Variants in DYNC1H1 observed in about 807,000 individuals in gnomAD.
DYNC1H1 encodes dynein cytoplasmic 1 heavy chain 1, also known as cytoplasmic dynein 1 heavy chain 1.
A neutral mutation model predicts 527.1 loss-of-function variants in DYNC1H1; 51 were observed. The ratio of observed to expected loss-of-function variants is 0.10; its 90% CI spans 0.08 to 0.12. The LOEUF (loss-of-function observed/expected upper bound fraction) is 0.12. Among genes scored for constraint, DYNC1H1 ranks in the 10% least tolerant of loss-of-function variants. DYNC1H1 has a pLI of 1.00. For missense variants in DYNC1H1, 2,771 were observed against 5,971.8 expected (o/e 0.46, Z 17.66); for synonymous variants, 2,189 against 2,278.8 (o/e 0.96, Z 1.12).
chr14:102,008,348 T>C lies in DYNC1H1; in HGVS notation c.5977+11T>C. 6.2e-7 allele frequency: 1 copy of C among 1,613,982 alleles called. No homozygotes were observed. The highest frequency in any genetic ancestry group is 2.2e-5 in the East Asian group (1 of 44,886). On this transcript the variant is annotated intron_variant, in intron 29 of 77. Transcript: ENST00000360184. Reference sequence around the variant, plus strand: ...CCAACTACGACAAGAGTAAGACACCTCTTCTTCAAAAATTACTTAGAGAAT... The same window carrying C: ...CCAACTACGACAAGAGTAAGACACCCCTTCTTCAAAAATTACTTAGAGAAT...
intron 43 of DYNC1H1, among the ~76,000 whole-genome samples, chr14:102,023,988 G>A (rs2048419479): frequency 6.6e-6 from 1 of 152,156 alleles, no homozygotes; most frequent in South Asian, 2.1e-4. Flanking sequence ...ATGTGCTACG[G>A]GTTTGCAGTC....
Position 101,987,476 on chromosome 14 carries a change from A to G in DYNC1H1, c.2562A>G (p.Glu854=), listed in dbSNP as rs150213445. The change falls in exon 9 of 78, where the codon GAA becomes GAG. Residue 854 remains glutamate, a synonymous_variant. Coordinates refer to ENST00000360184, the MANE Select transcript of DYNC1H1 (RefSeq NM_001376.5). ...QEKVDDLLII[E]EKIDLEVRSL... is the part of the protein sequence containing the mutation. ...AGGTGGATGATCTGCTGATCATTGA[A>G]GAAAAAATAGACCTAGAAGTCCGTT... is the stretch of plus-strand genomic sequence containing the variant. 4 of 1,614,088 alleles carry G rather than the reference A, an allele frequency of 2.5e-6. No homozygotes were observed. The highest frequency in any genetic ancestry group is 1.7e-5 in the Admixed American group (1 of 60,006).
chr14:102,048,147 G>A (rs976881733), intron 73 of DYNC1H1, 119 bp downstream of exon 73: 3 of 1,313,914 alleles, frequency 2.3e-6, no homozygotes, highest in South Asian at 1.3e-5. Context: ...ACTCACACCG[G>A]TGTCACCTCA....
At position 102,040,689 on chromosome 14, in the gene DYNC1H1, G is replaced by GTT. The variant is rs1295744868; in HGVS notation, c.11941+19_11941+20dup. 3.7e-6 allele frequency: 6 copies of GTT among 1,614,050 alleles called. No individual in the cohort carries two copies. The highest frequency in any genetic ancestry group is 1.3e-5 in the African/African-American group (1 of 74,920). ...ACACCTGCAAGTAAGCCCCACTGTGGTTTTCTTTCTGGACCTGAATGTAAA... is the reference window on the plus strand; with the variant it reads ...ACACCTGCAAGTAAGCCCCACTGTGGTTTTTTCTTTCTGGACCTGAATGTAAA... On this transcript the variant is annotated intron_variant, in intron 64 of 77. Coordinates refer to ENST00000360184, the MANE Select transcript of DYNC1H1 (RefSeq NM_001376.5).
chr14:102,050,745 G>A lies in DYNC1H1; in HGVS notation c.*182G>A. 1 of 926,346 alleles carries A rather than the reference G, an allele frequency of 1.1e-6. No individual in the cohort carries two copies. Among genetic ancestry groups the A allele is most frequent in the East Asian group, 2.7e-5 (1 of 36,942 alleles). The allele number at this position is 926,346 out of a possible 1,614,324, so 57.4% of individuals were successfully genotyped here. A position where few individuals can be genotyped will look rare whatever the true frequency, so the allele number is the denominator to read the frequency against. Reference sequence around the variant, plus strand: ...TGGAAGGATACCAGGAGGTATTTGGGAAGGCCAATGGCGTGGCTCCTTTGA... The same window carrying A: ...TGGAAGGATACCAGGAGGTATTTGGAAAGGCCAATGGCGTGGCTCCTTTGA... On this transcript the variant is annotated 3_prime_UTR_variant, in exon 78 of 78. Transcript: ENST00000360184.
intron 52 of DYNC1H1, 113 bp from the exon 53 acceptor site, chr14:102,032,952 T>C (rs1488888943): frequency 9.3e-7 from 1 of 1,072,950 alleles, no homozygotes; most frequent in African/African-American, 1.6e-5. Context: ...CAGTGGTCAG[T>C]CACTGGGGCA....
At position 101,980,543 on chromosome 14, in the gene DYNC1H1, T is replaced by C. The variant is rs758199752; in HGVS notation, c.954T>C (p.Thr318=). Residue 318 remains threonine (T), a synonymous_variant, in exon 5 of 78, where the codon ACT becomes ACC. Coordinates refer to ENST00000360184, the MANE Select transcript of DYNC1H1 (RefSeq NM_001376.5). Reference sequence around the variant, plus strand: ...TCCATGCCACCGTCAGTTTTGACACTGACACAGGTAACAACTAGAACTAAT... The same window carrying C: ...TCCATGCCACCGTCAGTTTTGACACCGACACAGGTAACAACTAGAACTAAT... ...KRFHATVSFD[T]DTGLKQALET... The C allele has an allele frequency of 6.2e-7, 1 of 1,614,170 alleles. No individual in the cohort carries two copies. The highest frequency in any genetic ancestry group is 2.2e-5 in the East Asian group (1 of 44,892).
At chr14:101,980,610 T>C in intron 5 of DYNC1H1, 60 bp downstream of exon 5, 1 of 1,570,702 alleles carries the variant, frequency 6.4e-7, no homozygotes, top group South Asian at 1.2e-5. Context: ...TACGAGATCT[T>C]ACTTGATAAT....
At chr14:102,009,645 TG>T in intron 29 of DYNC1H1, 197 bp from the exon 30 acceptor site, 1 of 731,908 alleles carries the variant, frequency 1.4e-6, no homozygotes. Flanking sequence ...ATGAGGTACA[TG>T]GGAATGGGTC....
chr14:102,010,985 C>T lies in DYNC1H1; in HGVS notation c.6618+33C>T. 6.2e-7 allele frequency: 1 copy of T among 1,610,926 alleles called. No individual in the cohort carries two copies. The highest frequency in any genetic ancestry group is 8.5e-7 in the Non-Finnish European group (1 of 1,177,206). On this transcript the variant is annotated intron_variant, in intron 32 of 77. Coordinates refer to ENST00000360184, the MANE Select transcript of DYNC1H1 (RefSeq NM_001376.5). The surrounding 1 kb of genome is among the most constrained non-coding windows in gnomAD (Gnocchi z 6.0). ...GGATTGTTTCACTGGCCACTGCCCT[C>T]ACAGACCCTGCTGGCTTTAGTGTCT...
rs2048325788 is a variant in DYNC1H1 at position 102,016,607 on chromosome 14, G to A, written c.7614+118G>A. Reference sequence around the variant, plus strand: ...TTTCATTTTATTCCATTTCATAGAAGGACTTTATCCTTTTAGTTCCATGTG... The same window carrying A: ...TTTCATTTTATTCCATTTCATAGAAAGACTTTATCCTTTTAGTTCCATGTG... On this transcript the variant is annotated intron_variant, in intron 37 of 77. Coordinates refer to ENST00000360184, the MANE Select transcript of DYNC1H1 (RefSeq NM_001376.5). This position sits in a 1 kb window ranked among gnomAD's most constrained non-coding sequence, Gnocchi z 7.3. 6 of 1,588,956 alleles carry A rather than the reference G, an allele frequency of 3.8e-6. No individual in the cohort carries two copies. The highest frequency in any genetic ancestry group is 5.2e-6 in the Non-Finnish European group (6 of 1,160,740).
At chr14:101,984,639 T>C (rs1166971708) in intron 7 of DYNC1H1, among the ~76,000 whole-genome samples, 2 of 149,988 alleles carry the variant, frequency 1.3e-5, no homozygotes, top group Non-Finnish European at 3.0e-5. Context: ...TTAGTAGAAA[T>C]AGGGATTCAC....
rs2048528020 is a variant in DYNC1H1 at position 102,033,007 on chromosome 14, A to G, written c.10080-58A>G. 6.4e-7 allele frequency: 1 copy of G among 1,559,178 alleles called. No individual in the cohort carries two copies. The highest frequency in any genetic ancestry group is 8.8e-7 in the Non-Finnish European group (1 of 1,130,776). On this transcript the variant is annotated intron_variant, in intron 52 of 77. Coordinates refer to ENST00000360184, the MANE Select transcript of DYNC1H1 (RefSeq NM_001376.5). This position sits in a 1 kb window ranked among gnomAD's most constrained non-coding sequence, Gnocchi z 5.6. Reference sequence around the variant, plus strand: ...TGGTCTCTTCCATTTTAATTTTATGAAAACTCTTCCTTGCTTTTGTCCTGC... The same window carrying G: ...TGGTCTCTTCCATTTTAATTTTATGGAAACTCTTCCTTGCTTTTGTCCTGC...
chr14:101,979,465 A>T lies in DYNC1H1; in HGVS notation c.491A>T (p.Tyr164Phe). 1 of 1,614,150 alleles carries T rather than the reference A, an allele frequency of 6.2e-7. No homozygotes were observed. The highest frequency in any genetic ancestry group is 8.5e-7 in the Non-Finnish European group (1 of 1,180,030). ...SNAVAPFFKS[Y>F]IRESGKADRD... Reference sequence around the variant, plus strand: ...GCAGTGGCTCCTTTTTTTAAGTCCTACATTAGAGAGTCTGGCAAGGCAGAC... The same window carrying T: ...GCAGTGGCTCCTTTTTTTAAGTCCTTCATTAGAGAGTCTGGCAAGGCAGAC... The change falls in exon 3 of 78, where the codon TAC becomes TTC. Residue 164 changes from tyrosine to phenylalanine, a missense_variant. Tyr to Phe is a conservative substitution (Grantham distance 22). Around this residue, in one of 32 missense-constraint regions of DYNC1H1, gnomAD observed 146 missense variants for 288.1 expected, o/e 0.51. Coordinates refer to ENST00000360184, the MANE Select transcript of DYNC1H1 (RefSeq NM_001376.5). The surrounding 1 kb of genome is among the most constrained non-coding windows in gnomAD (Gnocchi z 4.6).
Position 102,049,148 on chromosome 14 carries a change from T to G in DYNC1H1, c.13373-292T>G. On this transcript the variant is annotated intron_variant, in intron 74 of 77. Coordinates refer to ENST00000360184, the MANE Select transcript of DYNC1H1 (RefSeq NM_001376.5). This position sits in a 1 kb window ranked among gnomAD's most constrained non-coding sequence, Gnocchi z 5.5. ...CTGAGCCACTTGTGTGACATGAGGT[T>G]TTAGCCGCGGTTTTGCTTGGATGTG... is the stretch of plus-strand genomic sequence containing the variant. The G allele has an allele frequency of 2.0e-6, 1 of 490,516 alleles. No homozygotes were observed. Among genetic ancestry groups the G allele is most frequent in the Non-Finnish European group, 3.7e-6 (1 of 267,754 alleles). 30.4% of individuals were successfully genotyped at this position (490,516 alleles called of 1,614,324 possible).
chr14:101,999,284 T>G (rs1012641790), intron 16 of DYNC1H1, among the ~76,000 whole-genome samples: 4 of 152,148 alleles, frequency 2.6e-5, no homozygotes, highest in African/African-American at 9.7e-5. Flanking sequence ...TCAAGCGTTG[T>G]AGCTGGGACT....
intron 1 of DYNC1H1, among the ~76,000 whole-genome samples, chr14:101,974,544 A>G (rs903517657): frequency 6.6e-6 from 1 of 152,354 alleles, no homozygotes; most frequent in Middle Eastern, 3.4e-3. Flanking sequence ...ATGTTTAGGC[A>G]TTGCATGGAT....
In DYNC1H1 at chr14:102,027,535, C is replaced by T; in HGVS notation, c.9039C>T (p.Ala3013=). Residue 3013 remains alanine (A), a synonymous_variant, in exon 46 of 78, where the codon GCC becomes GCT. Coordinates refer to ENST00000360184, the MANE Select transcript of DYNC1H1 (RefSeq NM_001376.5). The surrounding 1 kb of genome is among the most constrained non-coding windows in gnomAD (Gnocchi z 7.7). The part of the protein sequence containing the change: ...GFLERMNTLL[A]NGEVPGLFEG... ...TGGAGCGAATGAATACCCTTCTGGC[C>T]AATGGAGAGGTAATTAGGTGACGTG... The T allele has an allele frequency of 6.2e-7, 1 of 1,614,106 alleles. No individual in the cohort carries two copies. The highest frequency in any genetic ancestry group is 8.5e-7 in the Non-Finnish European group (1 of 1,180,028).
chr14:102,014,800 TTG>T (rs2048301040), intron 34 of DYNC1H1, among the ~76,000 whole-genome samples: 1 of 152,146 alleles, frequency 6.6e-6, no homozygotes, highest in Non-Finnish European at 1.5e-5. Context: ...TAGGTGTTTT[TTG>T]TTTTTTTTAC....
Sources: gnomAD v4.1 joint callset for allele counts (sites outside exome capture counted in the v4.1 genomes callset) on GRCh38, gnomAD v4.1.1 for gene constraint, gnomAD v4.1.1 regional missense constraint, Gnocchi (gnomAD v3.1) non-coding constraint, MANE v1.5 for transcripts, NCBI Gene and HGNC (gene_info 2026-07-23, HGNC 2026-07-21) for gene names.